ZC3H12D: variants seen among roughly 807,000 people sequenced by gnomAD.
ZC3H12D encodes the protein zinc finger CCCH-type containing 12D.
ZC3H12D carries 11 observed loss-of-function variants against 24.2 expected under a neutral mutation model. That is an observed-to-expected ratio of 0.46 (90% CI 0.29 to 0.75). The LOEUF is 0.75. Among genes scored for constraint, ZC3H12D ranks in the 30% least tolerant of loss-of-function variants. The pLI is 0.11. For synonymous variants in ZC3H12D, 333 were observed against 341.8 expected (o/e 0.97, Z 0.28); for missense variants, 740 against 767.7 (o/e 0.96, Z 0.43).
At chr6:149,458,687 T>C (rs1776027724) in intron 3 of ZC3H12D, among the ~76,000 whole-genome samples, 1 of 152,120 alleles carries the variant, frequency 6.6e-6, no homozygotes, top group Non-Finnish European at 1.5e-5. Flanking sequence ...GCCAAATTGT[T>C]TTCCAGAGTG....
At chr6:149,481,554 T>A (rs1776425654) in intron 1 of ZC3H12D, among the ~76,000 whole-genome samples, 1 of 151,708 alleles carries the variant, frequency 6.6e-6, no homozygotes, top group East Asian at 1.9e-4. Flanking sequence ...TTTTGTATTT[T>A]AGTAGAGACG....
chr6:149,472,600 G>A lies in ZC3H12D; in HGVS notation c.305+1639C>T, dbSNP rs1252716416. On this transcript the variant is annotated intron_variant, in intron 2 of 5. Transcript: ENST00000409806. ...TACCCACGACACATTATGGTCATGT[G>A]CAAACAGAGGATGTGGCTTAAGTTT... is the stretch of plus-strand genomic sequence containing the variant. 4.6e-5 allele frequency among the ~76,000 whole-genome samples: 7 copies of A among 152,120 alleles called. No individual in the cohort carries two copies. The East Asian group carries it at 1.2e-3, about 25-fold the overall frequency.
intron 1 of ZC3H12D, 108 bp from the exon 2 acceptor site, chr6:149,474,721 TG>T (rs1776304636): frequency 2.1e-6 from 1 of 487,338 alleles, no homozygotes; most frequent in African/African-American, 1.9e-5. Context: ...GGAAATCAGG[TG>T]GAGCCCAGTC....
chr6:149,453,128 C>CAAAAAAAAAAA (rs59814309), intron 4 of ZC3H12D, among the ~76,000 whole-genome samples: 2 of 106,106 alleles, frequency 1.9e-5, no homozygotes. Flanking sequence ...CTACAGAAAG[C>CAAAAAAAAAAA]AAAAAAAAAA....
At position 149,451,245 on chromosome 6, in the gene ZC3H12D, G is replaced by A; in HGVS notation, c.1022C>T (p.Ala341Val). The change falls in exon 6 of 6, where the codon GCC becomes GTC. Residue 341 changes from alanine (A) to valine (V), a missense_variant. By Grantham distance (64) the Ala-to-Val change is moderately conservative (BLOSUM62 0). Coordinates refer to ENST00000409806, the MANE Select transcript of ZC3H12D (RefSeq NM_207360.3). Reference sequence around the variant, plus strand: ...CAGCCGAGAGAAGCTCCCTCGCAGGGCGGCCAGGTCCGGGGACCCCCGCGC... The same window carrying A: ...CAGCCGAGAGAAGCTCCCTCGCAGGACGGCCAGGTCCGGGGACCCCCGCGC... Reference protein sequence around the residue: ...PPARGSPDLAALRGSFSRLAF... With the variant: ...PPARGSPDLAVLRGSFSRLAF... 1.5e-6 allele frequency: 2 copies of A among 1,299,994 alleles called. No individual in the cohort carries two copies. Among genetic ancestry groups the A allele is most frequent in the Non-Finnish European group, 1.9e-6 (2 of 1,030,592 alleles). The allele number at this position is 1,299,994 out of a possible 1,614,324, so 80.5% of individuals were successfully genotyped here. A position where few individuals can be genotyped will look rare whatever the true frequency, so the allele number is the denominator to read the frequency against.
At chr6:149,463,400 G>A (rs786749) in intron 2 of ZC3H12D, among the ~76,000 whole-genome samples, 55,348 of 152,012 alleles carry the variant, frequency 0.36, 10,606 homozygotes, top group African/African-American at 0.46. Flanking sequence ...GATGTGATGC[G>A]TTGTGATGAT....
chr6:149,461,828 T>C lies in ZC3H12D; in HGVS notation c.445+3A>G. ...TCTTGAGCATACATCTGCTCCAGCA[T>C]ACCTCTGATAGGGGTGTCAGCTCTT... is the stretch of plus-strand genomic sequence containing the variant. On this transcript the variant is annotated splice_donor_region_variant and intron_variant, in intron 3 of 5. Transcript: ENST00000409806. 1.9e-6 allele frequency: 3 copies of C among 1,556,212 alleles called. No homozygotes were observed. The highest frequency in any genetic ancestry group is 1.7e-6 in the Non-Finnish European group (2 of 1,149,458).
chr6:149,450,994 C>T lies in ZC3H12D; in HGVS notation c.1273G>A (p.Asp425Asn). 1 of 1,518,794 alleles carries T rather than the reference C, an allele frequency of 6.6e-7. No homozygotes were observed. The highest frequency in any genetic ancestry group is 1.3e-5 in the South Asian group (1 of 79,202). 94.1% of individuals were successfully genotyped at this position (1,518,794 alleles called of 1,614,324 possible). The change falls in exon 6 of 6, where the codon GAC becomes AAC. Residue 425 changes from aspartate to asparagine, a missense_variant. Asp to Asn is a conservative substitution (Grantham distance 23, BLOSUM62 1). Transcript: ENST00000409806. ...GGTGGCCTGCGCGGGGAAAGCAAGT[C>T]GCCGTGCAGGTCCCTAGGGCGGTGT... is the stretch of plus-strand genomic sequence containing the variant. ...GEHRPRDLHG[D>N]LLSPRRPPDD... is the part of the protein sequence containing the mutation.
intron 2 of ZC3H12D, among the ~76,000 whole-genome samples, chr6:149,472,458 C>G (rs1776260818): frequency 6.6e-6 from 1 of 150,604 alleles, no homozygotes; most frequent in African/African-American, 2.5e-5. Context: ...CTGACACATT[C>G]TTCGTAGTGA....
chr6:149,456,890 C>CTGCTGCT lies in ZC3H12D; in HGVS notation c.455_456insAGCAGCA (p.Leu153AlafsTer82). On this transcript the variant is annotated frameshift_variant, in exon 4 of 6. Coordinates refer to ENST00000409806, the MANE Select transcript of ZC3H12D (RefSeq NM_207360.3). LOFTEE classifies it high-confidence loss of function. The surrounding 1 kb of genome is among the most constrained non-coding windows in gnomAD (Gnocchi z 4.3). ...CCGCCTGCCGCTCCAGCTCCGCCAG[C>CTGCTGCT]ACGTGCTGCTCTGAGGGCGGGGCGA... 1.2e-6 allele frequency: 2 copies of CTGCTGCT among 1,601,618 alleles called. No individual in the cohort carries two copies. The highest frequency in any genetic ancestry group is 1.7e-6 in the Non-Finnish European group (2 of 1,178,316).
chr6:149,469,196 G>T (rs1371324001), intron 2 of ZC3H12D, among the ~76,000 whole-genome samples: 1 of 152,194 alleles, frequency 6.6e-6, no homozygotes, highest in African/African-American at 2.4e-5. Flanking sequence ...GATGGCTCAA[G>T]CCTGTAATCC....
chr6:149,450,484 C>T lies in ZC3H12D; in HGVS notation c.*199G>A, dbSNP rs999637894. 1.8e-6 allele frequency: 1 copy of T among 569,608 alleles called. No individual in the cohort carries two copies. Among genetic ancestry groups the T allele is most frequent in the Non-Finnish European group, 3.0e-6 (1 of 334,554 alleles). 35.3% of individuals were successfully genotyped at this position (569,608 alleles called of 1,614,324 possible). The stretch of plus-strand genomic sequence containing the variant: ...TGGGTGGACCTCCCCGCAGCAGGCC[C>T]CGGCCTCAGTGAGGATCACCAAGTG... On this transcript the variant is annotated 3_prime_UTR_variant, in exon 6 of 6. Coordinates refer to ENST00000409806, the MANE Select transcript of ZC3H12D (RefSeq NM_207360.3).
rs1200031381 is a variant in ZC3H12D, at chr6:149,448,438, G to A, written c.*2245C>T. 1 of 152,108 alleles carries A rather than the reference G, an allele frequency of 6.6e-6. No homozygotes were observed. The highest frequency in any genetic ancestry group is 1.5e-5 in the Non-Finnish European group (1 of 68,034). 9.4% of individuals were successfully genotyped at this position (152,108 alleles called of 1,614,324 possible). A position where few individuals can be genotyped will look rare whatever the true frequency, so the allele number is the denominator to read the frequency against. ...CACAACTGTAGTCCCAGCTACTCAG[G>A]AGGCTGAGGCACAAGGATTGCTTGA... On this transcript the variant is annotated 3_prime_UTR_variant, in exon 6 of 6. Transcript: ENST00000409806.
chr6:149,457,040 C>T (rs1775996025), intron 3 of ZC3H12D, 140 bp from the exon 4 acceptor site: 1 of 794,998 alleles, frequency 1.3e-6, no homozygotes, highest in East Asian at 2.7e-5. Context: ...CAGTTTTTGC[C>T]GCCATAGCGT....
In ZC3H12D at chr6:149,456,923, G is replaced by A. The variant is rs750330545; in HGVS notation, c.446-23C>T. 1.3e-6 allele frequency: 2 copies of A among 1,585,166 alleles called. No homozygotes were observed. Among genetic ancestry groups the A allele is most frequent in the Admixed American group, 3.4e-5 (2 of 59,528 alleles). On this transcript the variant is annotated intron_variant, in intron 3 of 5. Coordinates refer to ENST00000409806, the MANE Select transcript of ZC3H12D (RefSeq NM_207360.3). This position sits in a 1 kb window ranked among gnomAD's most constrained non-coding sequence, Gnocchi z 4.3. ...GCTCTGAGGGCGGGGCGACGGAGACGCGGGTGAGGGCCCAAGGGCACCGCC... is the reference window on the plus strand; with the variant it reads ...GCTCTGAGGGCGGGGCGACGGAGACACGGGTGAGGGCCCAAGGGCACCGCC...
At chr6:149,458,827 T>G (rs190837092) in intron 3 of ZC3H12D, among the ~76,000 whole-genome samples, 1 of 152,360 alleles carries the variant, frequency 6.6e-6, no homozygotes, top group East Asian at 1.9e-4. Context: ...TATTTTGCAT[T>G]TCTCTGGTTG....
chr6:149,453,706 C>CA (rs1256769037), intron 4 of ZC3H12D, among the ~76,000 whole-genome samples: 1 of 152,128 alleles, frequency 6.6e-6, no homozygotes, highest in African/African-American at 2.4e-5. Context: ...TCTGGCTTCC[C>CA]ACTGTCCTCA....
rs1187391036 is a variant in ZC3H12D at position 149,451,390 on chromosome 6, C to A, written c.877G>T (p.Ala293Ser). ...AQLAVADELR[A>S]KTGARPGAGA... ...GCGCCAGGCCGGGCCCCTGTCTTGG[C>A]GCGGAGCTCGTCGGCCACCGCCAGT... Residue 293 changes from alanine to serine, a missense_variant, in exon 6 of 6, where the codon GCC (alanine) becomes TCC (serine). Coordinates refer to ENST00000409806, the MANE Select transcript of ZC3H12D (RefSeq NM_207360.3). 2.6e-6 allele frequency: 4 copies of A among 1,561,086 alleles called. No homozygotes were observed. The South Asian group carries it at 3.4e-5, about 13-fold the overall frequency.
At chr6:149,453,128 CA>C (rs59814309) in intron 4 of ZC3H12D, among the ~76,000 whole-genome samples, 66,355 of 106,118 alleles carry the variant, frequency 0.63, 18,461 homozygotes, top group East Asian at 0.82. Flanking sequence ...CTACAGAAAG[CA>C]AAAAAAAAAA....
Sources: gnomAD v4.1 joint callset for allele counts (sites outside exome capture counted in the v4.1 genomes callset) on GRCh38, gnomAD v4.1.1 for gene constraint, Gnocchi (gnomAD v3.1) non-coding constraint, MANE v1.5 for transcripts, NCBI Gene and HGNC (gene_info 2026-07-23, HGNC 2026-07-21) for gene names.